RUVBL1: variants seen among roughly 807,000 people sequenced by gnomAD.
RUVBL1 encodes RuvB like AAA ATPase 1.
A neutral mutation model predicts 52.4 loss-of-function variants in RUVBL1; 4 were observed. That is an observed-to-expected ratio of 0.08 (90% CI 0.04 to 0.17). The LOEUF (loss-of-function observed/expected upper bound fraction) is 0.17. RUVBL1 is among the 10% of genes least tolerant of loss of function. The pLI is 1.00. For missense variants in RUVBL1, 298 were observed against 572.8 expected, an observed-to-expected ratio of 0.52 and a Z score of 4.90; for synonymous variants, 217 against 214.4, an observed-to-expected ratio of 1.01 and a Z score of -0.10.
At position 128,152,731 on chromosome 3, in the gene RUVBL1, G is replaced by GT. The variant is rs1255934073; in HGVS notation, c.-40+471dup. Among the ~76,000 whole-genome samples the GT allele has an allele frequency of 2.0e-5, 3 of 152,154 alleles. No homozygotes were observed. In the East Asian group the frequency reaches 5.8e-4, roughly 29 times the overall value. On this transcript the variant is annotated intron_variant, in intron 1 of 9. Coordinates refer to the RUVBL1 transcript ENST00000464873. ...AAGAATGGAGCCGCGGACCTTCGCA[G>GT]TGAGTGTTAAAGCTCTTAAAGATGG... is the stretch of plus-strand genomic sequence containing the variant.
In RUVBL1 at chr3:128,067,392, T is replaced by G; in HGVS notation, c.940-2172A>C. ...ATGCTAAAGTAAAATGAAGGAGCAC[T>G]CACATGCGTTTGGTTTCTTCTTCCC... On this transcript the variant is annotated intron_variant, in intron 9 of 9. Coordinates refer to the RUVBL1 transcript ENST00000464873. This position sits in a 1 kb window ranked among gnomAD's most constrained non-coding sequence, Gnocchi z 4.1. The G allele has an allele frequency of 6.3e-7, 1 of 1,594,876 alleles. No homozygotes were observed. Among genetic ancestry groups the G allele is most frequent in the Non-Finnish European group, 8.5e-7 (1 of 1,171,790 alleles).
At chr3:128,104,716 C>G in intron 4 of RUVBL1, 57 bp downstream of exon 4, 5 of 1,501,092 alleles carry the variant, frequency 3.3e-6, no homozygotes. Flanking sequence ...ACCACCTGCC[C>G]AAAGCCACAC....
Position 128,081,178 on chromosome 3 carries a change from G to C in RUVBL1, c.*72C>G. 1 of 1,529,760 alleles carries C rather than the reference G, an allele frequency of 6.5e-7. No individual in the cohort carries two copies. Among genetic ancestry groups the C allele is most frequent in the Admixed American group, 1.8e-5 (1 of 56,170 alleles). 94.8% of individuals were successfully genotyped at this position (1,529,760 alleles called of 1,614,324 possible). On this transcript the variant is annotated 3_prime_UTR_variant, in exon 11 of 11. Transcript: ENST00000322623. This position sits in a 1 kb window ranked among gnomAD's most constrained non-coding sequence, Gnocchi z 4.8. ...GGGGACGGCAGCCCCAAGCCCAGGG[G>C]CAAGCGCCCACAGGCTGGACCCAGG...
intron 8 of RUVBL1, among the ~76,000 whole-genome samples, chr3:128,092,079 C>G (rs951123020): frequency 6.6e-6 from 1 of 152,184 alleles, no homozygotes; most frequent in Non-Finnish European, 1.5e-5. Context: ...TCTGATGAGG[C>G]TGCCAAAACA....
Position 128,082,340 on chromosome 3 carries a change from C to T in RUVBL1, c.1211+143G>A. 1.6e-6 allele frequency: 1 copy of T among 641,940 alleles called. No homozygotes were observed. The highest frequency in any genetic ancestry group is 1.8e-5 in the South Asian group (1 of 55,408). 39.8% of individuals were successfully genotyped at this position (641,940 alleles called of 1,614,324 possible). Reference sequence around the variant, plus strand: ...ATCCTCTGCATTTGAAACTCAAGTGCCCTGGCACCCATCGCGCCAGGAAGA... The same window carrying T: ...ATCCTCTGCATTTGAAACTCAAGTGTCCTGGCACCCATCGCGCCAGGAAGA... On this transcript the variant is annotated intron_variant, in intron 10 of 10. Transcript: ENST00000322623. This position sits in a 1 kb window ranked among gnomAD's most constrained non-coding sequence, Gnocchi z 4.7.
At chr3:128,117,459 T>C (rs1202508144) in intron 2 of RUVBL1, among the ~76,000 whole-genome samples, 1 of 152,134 alleles carries the variant, frequency 6.6e-6, no homozygotes, top group Non-Finnish European at 1.5e-5. Context: ...GAACCAAAAA[T>C]GTCTCCAGAC....
At chr3:128,144,732 T>C (rs892920685) in intron 1 of RUVBL1, among the ~76,000 whole-genome samples, 8 of 152,194 alleles carry the variant, frequency 5.3e-5, no homozygotes, top group African/African-American at 1.9e-4. Context: ...AAACTCAGCT[T>C]AGTGGGAGGG....
upstream of RUVBL1, among the ~76,000 whole-genome samples, chr3:128,125,924 A>G (rs931934255): frequency 6.6e-6 from 1 of 152,352 alleles, no homozygotes; most frequent in Non-Finnish European, 1.5e-5. Flanking sequence ...GTATTGTCCA[A>G]TTAAGGAAAA....
chr3:128,097,552 TC>T (rs1298061739), intron 7 of RUVBL1, 54 bp from the exon 8 acceptor site: 1 of 1,488,390 alleles, frequency 6.7e-7, no homozygotes, highest in Non-Finnish European at 9.4e-7. Flanking sequence ...GGGGAGACTA[TC>T]GCCTTTTCTC....
At position 128,067,037 on chromosome 3, in the gene RUVBL1, C is replaced by CA; in HGVS notation, c.940-1818dup. On this transcript the variant is annotated intron_variant, in intron 9 of 9. Transcript: ENST00000464873. The surrounding 1 kb of genome is among the most constrained non-coding windows in gnomAD (Gnocchi z 4.1). ...ATCCCATCAAGCTCTTCTATACGTC[C>CA]AACATCCCCATCATCCTGCAGTCTG... The CA allele has an allele frequency of 6.2e-7, 1 of 1,614,188 alleles. No individual in the cohort carries two copies. Among genetic ancestry groups the CA allele is most frequent in the Non-Finnish European group, 8.5e-7 (1 of 1,180,016 alleles).
At chr3:128,083,983 CAGG>C (rs1553724763) in intron 9 of RUVBL1, 2 of 152,336 alleles carry the variant, frequency 1.3e-5, no homozygotes, top group Non-Finnish European at 2.9e-5. Flanking sequence ...GAGGCTGAGG[CAGG>C]AGAATTGCTT....
intron 8 of RUVBL1, among the ~76,000 whole-genome samples, chr3:128,096,855 T>A (rs1225972894): frequency 6.6e-6 from 1 of 151,908 alleles, no homozygotes; most frequent in Non-Finnish European, 1.5e-5. Context: ...AAATGCTGGT[T>A]TTGTTATCAG....
intron 2 of RUVBL1, among the ~76,000 whole-genome samples, chr3:128,117,393 T>C (rs1225769082): frequency 2.0e-5 from 3 of 152,212 alleles, no homozygotes; most frequent in Non-Finnish European, 2.9e-5. Flanking sequence ...GGATGTTTAG[T>C]AGCATCCCTG....
upstream of RUVBL1, among the ~76,000 whole-genome samples, chr3:128,125,745 G>C (rs1158229634): frequency 6.6e-6 from 1 of 152,194 alleles, no homozygotes; most frequent in Non-Finnish European, 1.5e-5. Context: ...TAGGGCATGT[G>C]GTTCATCAGC....
downstream of RUVBL1, among the ~76,000 whole-genome samples, chr3:128,079,931 G>A (rs1942424834): frequency 6.6e-6 from 1 of 152,238 alleles, no homozygotes; most frequent in African/African-American, 2.4e-5. Context: ...GATCCAGTCT[G>A]AACTAGCACA....
Position 128,145,990 on chromosome 3 carries a change from A to C in RUVBL1, c.-40+7213T>G, listed in dbSNP as rs190129170. 1.2e-4 allele frequency among the ~76,000 whole-genome samples: 19 copies of C among 152,296 alleles called. No homozygotes were observed. In the East Asian group the frequency reaches 3.3e-3, roughly 26 times the overall value. The stretch of plus-strand genomic sequence containing the variant: ...GAGGAATGAACATAATAAGGAAATA[A>C]ACCATACACGTATGTTCAAAGGTGA... On this transcript the variant is annotated intron_variant, in intron 1 of 9. Coordinates refer to the RUVBL1 transcript ENST00000464873.
At chr3:128,072,550 T>C (rs908935793) in intron 9 of RUVBL1, among the ~76,000 whole-genome samples, 3 of 152,172 alleles carry the variant, frequency 2.0e-5, no homozygotes, top group African/African-American at 4.8e-5. Flanking sequence ...GTTTTGAGAC[T>C]GCTAGGACAC....
intron 1 of RUVBL1, among the ~76,000 whole-genome samples, chr3:128,146,608 C>T (rs1449116835): frequency 6.8e-6 from 1 of 147,996 alleles, no homozygotes; most frequent in African/African-American, 2.5e-5. Flanking sequence ...ATTTGCCTGC[C>T]GCTGTGTGCA....
intron 9 of RUVBL1, among the ~76,000 whole-genome samples, chr3:128,086,760 A>G (rs896736051): frequency 9.2e-5 from 14 of 152,272 alleles, no homozygotes; most frequent in Non-Finnish European, 1.6e-4. Context: ...TCCTAGTCCA[A>G]TGGTATTCCT....
Sources: gnomAD v4.1 joint callset for allele counts (sites outside exome capture counted in the v4.1 genomes callset) on GRCh38, gnomAD v4.1.1 for gene constraint, Gnocchi (gnomAD v3.1) non-coding constraint, MANE v1.5 for transcripts, NCBI Gene and HGNC (gene_info 2026-07-23, HGNC 2026-07-21) for gene names.